The following WRNIP1 variants were observed in gnomAD, a reference collection of about 807,000 sequenced individuals.
WRNIP1 encodes ATPase WRNIP1.
A neutral mutation model predicts 56.1 loss-of-function variants in WRNIP1; 41 were observed. That is an observed-to-expected ratio of 0.73 (90% CI 0.57 to 0.95). The LOEUF (loss-of-function observed/expected upper bound fraction) is 0.95. WRNIP1 is among the 40% of genes least tolerant of loss of function. The probability of loss-of-function intolerance (pLI) is 0.00; values close to 1 mark genes in which losing one functional copy is unlikely to be tolerated. For synonymous variants in WRNIP1, 547 were observed against 398.1 expected (o/e 1.37, Z -4.45); for missense variants, 1,170 against 939.4 (o/e 1.25, Z -3.21).
intron 5 of WRNIP1, 73 bp downstream of exon 5, chr6:2,783,634 C>CTTT (rs398000193): frequency 0.12 from 4,665 of 39,432 alleles, 1,447 homozygotes; most frequent in African/African-American, 0.2. Context: ...TACATCGTGG[C>CTTT]TTTTTTTTTT....
intron 1 of WRNIP1, among the ~76,000 whole-genome samples, chr6:2,766,702 T>C (rs1422687529): frequency 6.6e-6 from 1 of 152,162 alleles, no homozygotes; most frequent in Non-Finnish European, 1.5e-5. Flanking sequence ...AATCCATAGT[T>C]TTACAAGATG....
intron 3 of WRNIP1, among the ~76,000 whole-genome samples, chr6:2,778,495 CTG>C (rs1339232915): frequency 1.3e-5 from 2 of 152,122 alleles, no homozygotes; most frequent in East Asian, 1.9e-4. Flanking sequence ...AGAAATGTGA[CTG>C]TAAGTTTTAG....
chr6:2,770,330 C>T lies in WRNIP1; in HGVS notation c.1225C>T (p.Pro409Ser), dbSNP rs1409605000. 6.2e-7 allele frequency: 1 copy of T among 1,614,144 alleles called. No homozygotes were observed. The highest frequency in any genetic ancestry group is 2.2e-5 in the East Asian group (1 of 44,882). ...CCTAGACTCTAGCCGTCCCACTGACCCTCTGAGCCACAGCAGCAACAGCAG... is the reference window on the plus strand; with the variant it reads ...CCTAGACTCTAGCCGTCCCACTGACTCTCTGAGCCACAGCAGCAACAGCAG... Reference protein sequence around the residue: ...HVLDSSRPTDPLSHSSNSSSE... With the variant: ...HVLDSSRPTDSLSHSSNSSSE... Residue 409 changes from proline (P) to serine (S), a missense_variant, in exon 3 of 7, where the codon CCT (proline) becomes TCT (serine). Physicochemically the swap from Pro to Ser is moderately conservative, Grantham distance 74 (BLOSUM62 -1). Coordinates refer to ENST00000380773, the MANE Select transcript of WRNIP1 (RefSeq NM_020135.3).
intron 1 of WRNIP1, 76 bp downstream of exon 1, chr6:2,766,520 G>GT (rs1765002297): frequency 2.8e-6 from 4 of 1,427,208 alleles, no homozygotes; most frequent in Middle Eastern, 1.9e-4. Flanking sequence ...AGAGCCGGGT[G>GT]TGCTGCCCTC....
chr6:2,767,448 A>C (rs1244806090), intron 1 of WRNIP1, among the ~76,000 whole-genome samples: 1 of 152,232 alleles, frequency 6.6e-6, no homozygotes, highest in East Asian at 1.9e-4. Flanking sequence ...TTTATCTCCC[A>C]CAACTTAAGC....
intron 4 of WRNIP1, among the ~76,000 whole-genome samples, chr6:2,779,721 T>G (rs1000789991): frequency 6.6e-6 from 1 of 152,182 alleles, no homozygotes; most frequent in African/African-American, 2.4e-5. Flanking sequence ...TAGAGGAGTT[T>G]TGGGGTTGGA....
intron 6 of WRNIP1, 41 bp downstream of exon 6, chr6:2,784,444 T>G: frequency 6.3e-7 from 1 of 1,584,858 alleles, no homozygotes; most frequent in Non-Finnish European, 8.7e-7. Flanking sequence ...ACTTCTTTTC[T>G]CTCTCGTGCT....
In WRNIP1 at chr6:2,783,364, C is replaced by G. The variant is rs770194577; in HGVS notation, c.1487-42C>G. ...GGAGGTGAAGATGGCTTGGGCGCCC[C>G]TCCTGTGAGCTCTGTGTGAGTGGTG... On this transcript the variant is annotated intron_variant, in intron 4 of 6. Coordinates refer to ENST00000380773, the MANE Select transcript of WRNIP1 (RefSeq NM_020135.3). The G allele has an allele frequency of 3.3e-6, 5 of 1,497,208 alleles. No individual in the cohort carries two copies. The Admixed American group carries it at 8.2e-5, about 25-fold the overall frequency. The allele number at this position is 1,497,208 out of a possible 1,614,324, so 92.7% of individuals were successfully genotyped here.
chr6:2,779,447 G>GT lies in WRNIP1; in HGVS notation c.1442dup (p.Lys482GlufsTer12). ...TAGAGTTCTGATCACAGAGAATGAC[G>GT]TGAAGGAGGGCCTACAGCGATCCCA... On this transcript the variant is annotated frameshift_variant, in exon 4 of 7. Transcript: ENST00000380773. LOFTEE classifies it high-confidence loss of function. 6.2e-7 allele frequency: 1 copy of GT among 1,614,210 alleles called. No homozygotes were observed. The highest frequency in any genetic ancestry group is 8.5e-7 in the Non-Finnish European group (1 of 1,180,036).
chr6:2,767,737 A>AG (rs1373122872), intron 1 of WRNIP1, among the ~76,000 whole-genome samples: 1 of 152,242 alleles, frequency 6.6e-6, no homozygotes, highest in Non-Finnish European at 1.5e-5. Flanking sequence ...GAAGGTCCTT[A>AG]GGGAGACGAG....
At chr6:2,782,784 G>A (rs1765593616) in intron 4 of WRNIP1, among the ~76,000 whole-genome samples, 1 of 152,142 alleles carries the variant, frequency 6.6e-6, no homozygotes. Context: ...GTAAGACCAG[G>A]CGGTGAGAGA....
intron 3 of WRNIP1, among the ~76,000 whole-genome samples, chr6:2,778,146 G>C (rs553093403): frequency 1.6e-4 from 25 of 152,294 alleles, no homozygotes; most frequent in African/African-American, 6.0e-4. Flanking sequence ...CATTGATCCA[G>C]CAGGCAAGCT....
intron 6 of WRNIP1, 64 bp downstream of exon 6, chr6:2,784,467 A>G: frequency 6.6e-7 from 1 of 1,522,972 alleles, no homozygotes; most frequent in African/African-American, 1.4e-5. Flanking sequence ...GTCCCTTTGT[A>G]GATTTGAATA....
Position 2,783,137 on chromosome 6 carries a change from C to T in WRNIP1, c.1487-269C>T, listed in dbSNP as rs755892884. 3.3e-5 allele frequency among the ~76,000 whole-genome samples: 5 copies of T among 152,180 alleles called. No homozygotes were observed. The East Asian group carries it at 7.7e-4, about 23-fold the overall frequency. ...CAGCTGGGAGGACCACCTTTCCTCCCTCCTGCCTCTGTGCGTGTGCGTGCA... is the reference window on the plus strand; with the variant it reads ...CAGCTGGGAGGACCACCTTTCCTCCTTCCTGCCTCTGTGCGTGTGCGTGCA... On this transcript the variant is annotated intron_variant, in intron 4 of 6. Transcript: ENST00000380773.
At chr6:2,767,717 C>T (rs1179477089) in intron 1 of WRNIP1, among the ~76,000 whole-genome samples, 1 of 152,182 alleles carries the variant, frequency 6.6e-6, no homozygotes, top group Admixed American at 6.5e-5. Flanking sequence ...TTGGTGGCCC[C>T]AGACAGCAAG....
Position 2,766,411 on chromosome 6 carries a change from G to T in WRNIP1, c.789G>T (p.Ser263=). The T allele has an allele frequency of 6.2e-7, 1 of 1,600,076 alleles. No homozygotes were observed. The change falls in exon 1 of 7, where the codon TCG becomes TCT. Residue 263 remains serine, a synonymous_variant. Transcript: ENST00000380773. ...TCCTGGAGACCAACGAAATCCCCTC[G>T]CTTATCCTGTGGGGGCCGCCGGGCT... ...RSLLETNEIP[S]LILWGPPGCG... is the part of the protein sequence containing the mutation.
At chr6:2,767,072 C>T (rs1353925130) in intron 1 of WRNIP1, among the ~76,000 whole-genome samples, 1 of 152,106 alleles carries the variant, frequency 6.6e-6, no homozygotes, top group Non-Finnish European at 1.5e-5. Context: ...CCGGTATTTC[C>T]GTAACTTTTC....
At chr6:2,774,755 G>T (rs1480023600) in intron 3 of WRNIP1, among the ~76,000 whole-genome samples, 2 of 152,202 alleles carry the variant, frequency 1.3e-5, no homozygotes, top group South Asian at 4.1e-4. Context: ...GTCGTCATCT[G>T]AAATGTACCT....
chr6:2,785,143 A>C lies in WRNIP1; in HGVS notation c.1859A>C (p.Asn620Thr). The C allele has an allele frequency of 6.2e-7, 1 of 1,614,204 alleles. No individual in the cohort carries two copies. The highest frequency in any genetic ancestry group is 8.5e-7 in the Non-Finnish European group (1 of 1,180,040). ...PLPPVPLHLRNAPTRLMKDLG... is the reference protein window; with the variant it reads ...PLPPVPLHLRTAPTRLMKDLG... ...CCCCCCGTGCCCCTGCACCTGAGGA[A>C]CGCGCCCACTAGGCTGATGAAGGAT... The change falls in exon 7 of 7, where the codon AAC becomes ACC. Residue 620 changes from asparagine to threonine, a missense_variant. By Grantham distance (65) the Asn-to-Thr change is moderately conservative. Coordinates refer to ENST00000380773, the MANE Select transcript of WRNIP1 (RefSeq NM_020135.3).
Sources: gnomAD v4.1 joint callset for allele counts (sites outside exome capture counted in the v4.1 genomes callset) on GRCh38, gnomAD v4.1.1 for gene constraint, MANE v1.5 for transcripts, NCBI Gene and HGNC (gene_info 2026-07-23, HGNC 2026-07-21) for gene names.